The following IQCH variants were observed in gnomAD, a reference collection of about 807,000 sequenced individuals.
IQCH encodes the protein IQ motif containing H.
In IQCH, 98 loss-of-function variants were observed where a neutral mutation model predicts 117.0. That is an observed-to-expected ratio of 0.84 (90% CI 0.71 to 0.99). The LOEUF is 0.99. IQCH is among the 50% of genes least tolerant of loss of function. The pLI, the probability that IQCH is intolerant of heterozygous loss-of-function variation, is 0.00. For synonymous variants in IQCH, 412 were observed against 448.2 expected (o/e 0.92, Z 1.02); for missense variants, 1,102 against 1,243.8 (o/e 0.89, Z 1.72).
chr15:67,303,636 A>G (rs1440859103), intron 4 of IQCH, among the ~76,000 whole-genome samples: 1 of 152,160 alleles, frequency 6.6e-6, no homozygotes, highest in Non-Finnish European at 1.5e-5. Flanking sequence ...CCAAGGTCAC[A>G]CACAGCAGTC....
At chr15:67,349,316 TGAAAA>T (rs1244074474) in intron 6 of IQCH, among the ~76,000 whole-genome samples, 3 of 151,886 alleles carry the variant, frequency 2.0e-5, no homozygotes, top group East Asian at 1.9e-4. Context: ...GTTAAGAAAA[TGAAAA>T]GAAAAGCTAT....
chr15:67,314,356 C>T (rs1567088783), intron 4 of IQCH, among the ~76,000 whole-genome samples: 1 of 152,036 alleles, frequency 6.6e-6, no homozygotes, highest in Admixed American at 6.6e-5. Context: ...CTCCCACTCT[C>T]ACCCTCTCCC....
At chr15:67,397,611 G>A (rs1388131488) in intron 13 of IQCH, among the ~76,000 whole-genome samples, 2 of 152,148 alleles carry the variant, frequency 1.3e-5, no homozygotes, top group African/African-American at 2.4e-5. Flanking sequence ...ACTTTTTACC[G>A]ATGTGCATCA....
intron 4 of IQCH, among the ~76,000 whole-genome samples, chr15:67,310,498 C>G (rs181925196): frequency 6.6e-6 from 1 of 152,080 alleles, no homozygotes; most frequent in African/African-American, 2.4e-5. Flanking sequence ...CCTGACTCCT[C>G]GTAATCATTC....
Position 67,432,558 on chromosome 15 carries a change from G to C in IQCH, c.2505+10981G>C, listed in dbSNP as rs2082042879. ...TTCTGAGAGGCTAAGCAGATATAAG[G>C]TGATGTTCTTATTAAATCAAATGGC... is the stretch of plus-strand genomic sequence containing the variant. On this transcript the variant is annotated intron_variant, in intron 16 of 20. Coordinates refer to ENST00000335894, the MANE Select transcript of IQCH (RefSeq NM_001031715.3). This position sits in a 1 kb window ranked among gnomAD's most constrained non-coding sequence, Gnocchi z 5.0. Among the ~76,000 whole-genome samples the C allele has an allele frequency of 6.6e-6, 1 of 152,076 alleles. No individual in the cohort carries two copies.
rs1350708138 is a variant in IQCH at position 67,443,166 on chromosome 15, G to A, written c.2505+21589G>A. 6.6e-6 allele frequency among the ~76,000 whole-genome samples: 1 copy of A among 152,038 alleles called. No individual in the cohort carries two copies. The highest frequency in any genetic ancestry group is 1.5e-5 in the Non-Finnish European group (1 of 68,016). On this transcript the variant is annotated intron_variant, in intron 16 of 20. Transcript: ENST00000335894. This position sits in a 1 kb window ranked among gnomAD's most constrained non-coding sequence, Gnocchi z 5.0. ...CGCCACAGCGCCCGGCTAATTTTTT[G>A]TATTTTTAGTAGAGACGGGGTTTCA...
intron 10 of IQCH, among the ~76,000 whole-genome samples, chr15:67,378,702 G>A (rs966423475): frequency 2.6e-5 from 4 of 151,902 alleles, no homozygotes; most frequent in Non-Finnish European, 5.9e-5. Context: ...ATATGATGTT[G>A]TACCATGAAA....
intron 8 of IQCH, among the ~76,000 whole-genome samples, chr15:67,361,865 G>A (rs1970146562): frequency 6.6e-6 from 1 of 152,150 alleles, no homozygotes; most frequent in African/African-American, 2.4e-5. Context: ...TCAAAGGTTT[G>A]AGGTTGTTAA....
At chr15:67,357,810 C>G (rs1969955924) in intron 7 of IQCH, among the ~76,000 whole-genome samples, 1 of 152,008 alleles carries the variant, frequency 6.6e-6, no homozygotes, top group South Asian at 2.1e-4. Flanking sequence ...GATCTCCAAA[C>G]ATAGAATACC....
At position 67,408,738 on chromosome 15, in the gene IQCH, T is replaced by G. The variant is rs1400114618; in HGVS notation, c.2098-8193T>G. On this transcript the variant is annotated intron_variant, in intron 14 of 20. Transcript: ENST00000335894. The surrounding 1 kb of genome is among the most constrained non-coding windows in gnomAD (Gnocchi z 4.2). Reference sequence around the variant, plus strand: ...CATGTGTTTCCTTTTGTTTTTAATTTTCAATTAAAGAGCTTTCATCAGCAT... The same window carrying G: ...CATGTGTTTCCTTTTGTTTTTAATTGTCAATTAAAGAGCTTTCATCAGCAT... Among the ~76,000 whole-genome samples, 1 of 152,230 alleles carries G rather than the reference T, an allele frequency of 6.6e-6. No homozygotes were observed. Among genetic ancestry groups the G allele is most frequent in the Non-Finnish European group, 1.5e-5 (1 of 68,044 alleles).
intron 6 of IQCH, among the ~76,000 whole-genome samples, chr15:67,354,306 A>G (rs1217887882): frequency 5.3e-5 from 8 of 152,192 alleles, no homozygotes; most frequent in Admixed American, 5.2e-4. Context: ...TTAGCAATAT[A>G]ATTCACCATA....
chr15:67,393,036 C>T lies in IQCH; in HGVS notation c.1633-2255C>T, dbSNP rs1330976057. On this transcript the variant is annotated intron_variant, in intron 12 of 20. Coordinates refer to ENST00000335894, the MANE Select transcript of IQCH (RefSeq NM_001031715.3). This position sits in a 1 kb window ranked among gnomAD's most constrained non-coding sequence, Gnocchi z 5.5. ...CATTAAGTACATTCACATTGTTGTA[C>T]AACCATTACCACTATCAATTTCAGA... 6.6e-6 allele frequency among the ~76,000 whole-genome samples: 1 copy of T among 152,080 alleles called. No individual in the cohort carries two copies. The highest frequency in any genetic ancestry group is 2.4e-5 in the African/African-American group (1 of 41,380).
intron 4 of IQCH, among the ~76,000 whole-genome samples, chr15:67,315,789 G>T (rs1348261019): frequency 6.6e-6 from 1 of 152,064 alleles, no homozygotes; most frequent in East Asian, 1.9e-4. Flanking sequence ...GCATGGATCT[G>T]TCCACATTGA....
intron 13 of IQCH, among the ~76,000 whole-genome samples, chr15:67,398,102 A>G (rs754088765): frequency 6.6e-6 from 1 of 152,194 alleles, no homozygotes; most frequent in Non-Finnish European, 1.5e-5. Context: ...TAGGATTCTC[A>G]GAAGCAACAA....
chr15:67,446,648 T>TCAGC (rs2140979826), intron 16 of IQCH, among the ~76,000 whole-genome samples: 1 of 152,258 alleles, frequency 6.6e-6, no homozygotes, highest in South Asian at 2.1e-4. Flanking sequence ...AGGGTGCCTT[T>TCAGC]CAGCCAGCAG....
chr15:67,396,283 T>C (rs1462740139), intron 13 of IQCH, among the ~76,000 whole-genome samples: 2 of 152,110 alleles, frequency 1.3e-5, no homozygotes, highest in Non-Finnish European at 2.9e-5. Flanking sequence ...AACAGAGGGC[T>C]GCAGACTTCC....
intron 5 of IQCH, among the ~76,000 whole-genome samples, chr15:67,337,473 G>A (rs571194233): frequency 1.3e-5 from 2 of 152,198 alleles, no homozygotes; most frequent in Admixed American, 1.3e-4. Flanking sequence ...CCTATTATAA[G>A]GAAATATGAA....
Position 67,369,606 on chromosome 15 carries a change from G to T in IQCH, c.754-2505G>T, listed in dbSNP as rs933997204. On this transcript the variant is annotated intron_variant, in intron 8 of 20. Transcript: ENST00000335894. This position sits in a 1 kb window ranked among gnomAD's most constrained non-coding sequence, Gnocchi z 5.2. ...GCAGAGGAAAAGAAAAAGAAGGAAA[G>T]AAAGAAGAAAGAAAGCCAACAAATA... 6.6e-6 allele frequency among the ~76,000 whole-genome samples: 1 copy of T among 151,866 alleles called. No homozygotes were observed. Among genetic ancestry groups the T allele is most frequent in the Non-Finnish European group, 1.5e-5 (1 of 67,970 alleles).
rs1416370357 is a variant in IQCH at position 67,406,541 on chromosome 15, G to A, written c.2097+6236G>A. 6.6e-6 allele frequency: 1 copy of A among 152,016 alleles called. No individual in the cohort carries two copies. Among genetic ancestry groups the A allele is most frequent in the Non-Finnish European group, 1.5e-5 (1 of 68,002 alleles). 9.4% of individuals were successfully genotyped at this position (152,016 alleles called of 1,614,324 possible). On this transcript the variant is annotated intron_variant, in intron 14 of 20. Transcript: ENST00000335894. The surrounding 1 kb of genome is among the most constrained non-coding windows in gnomAD (Gnocchi z 4.5). Reference sequence around the variant, plus strand: ...CTATCTCTAAAAGCAGAAACACCCTGTTTTTTAAAAAAATAAGCAACCAAA... The same window carrying A: ...CTATCTCTAAAAGCAGAAACACCCTATTTTTTAAAAAAATAAGCAACCAAA...
Sources: allele counts gnomAD v4.1 joint callset (sites outside exome capture counted in the v4.1 genomes callset), GRCh38; gene constraint gnomAD v4.1.1; non-coding constraint Gnocchi (gnomAD v3.1); transcripts MANE v1.5; gene names NCBI Gene and HGNC (gene_info 2026-07-23, HGNC 2026-07-21).